The following ADAMTS9 variants were observed in gnomAD, a reference collection of about 807,000 sequenced individuals.
ADAMTS9 encodes the protein ADAM metallopeptidase with thrombospondin type 1 motif 9.
Under a neutral mutation model 257.1 loss-of-function variants are expected in ADAMTS9, and 107 were observed. That is an observed-to-expected ratio of 0.42 (90% CI 0.36 to 0.49). The LOEUF is 0.49. ADAMTS9 is among the 20% of genes least tolerant of loss of function. The pLI, the probability that ADAMTS9 is intolerant of heterozygous loss-of-function variation, is 0.03. For missense variants in ADAMTS9, 2,353 were observed against 2,469.1 expected (o/e 0.95, Z 1.00); for synonymous variants, 982 against 880.9 (o/e 1.11, Z -2.03).
At chr3:64,545,539 A>G (rs1253384603) in intron 32 of ADAMTS9, among the ~76,000 whole-genome samples, 2 of 152,116 alleles carry the variant, frequency 1.3e-5, no homozygotes, top group Non-Finnish European at 2.9e-5. Context: ...GTTCTCACTC[A>G]TAGGTGGGAA....
intron 3 of ADAMTS9, among the ~76,000 whole-genome samples, chr3:64,666,053 T>C (rs1459969696): frequency 1.3e-5 from 2 of 152,178 alleles, no homozygotes; most frequent in African/African-American, 4.8e-5. Flanking sequence ...GTCCAATCTT[T>C]TAAAAAAAGG....
rs531795950 is a variant in ADAMTS9, at chr3:64,677,540, G to A, written c.679+3661C>T. 9.8e-5 allele frequency among the ~76,000 whole-genome samples: 15 copies of A among 152,298 alleles called. No individual in the cohort carries two copies. The South Asian group carries it at 2.9e-3, about 29-fold the overall frequency. On this transcript the variant is annotated intron_variant, in intron 3 of 39. Transcript: ENST00000498707. Reference sequence around the variant, plus strand: ...CTAAACCCTTCATGATTACCCAGAAGCACTGGGCTATTACCTTTGAATTTT... The same window carrying A: ...CTAAACCCTTCATGATTACCCAGAAACACTGGGCTATTACCTTTGAATTTT...
At chr3:64,561,813 G>T (rs565451972) in intron 29 of ADAMTS9, 62 bp from the exon 30 acceptor site, 65 of 1,149,850 alleles carry the variant, frequency 5.7e-5, no homozygotes, top group South Asian at 3.1e-4. Context: ...GGGGCGGGGG[G>T]TGTCGAGGGT....
chr3:64,627,611 T>C (rs1700257185), intron 16 of ADAMTS9, among the ~76,000 whole-genome samples: 1 of 152,174 alleles, frequency 6.6e-6, no homozygotes, highest in Non-Finnish European at 1.5e-5. Flanking sequence ...GGCTTCCTGC[T>C]TTGGTACTTT....
At position 64,687,661 on chromosome 3, in the gene ADAMTS9, G is replaced by A. The variant is rs1280809340; in HGVS notation, c.-4C>T. On this transcript the variant is annotated 5_prime_UTR_variant, in exon 1 of 40. Transcript: ENST00000498707. This position sits in a 1 kb window ranked among gnomAD's most constrained non-coding sequence, Gnocchi z 4.4. ...TGGCCCAGGATACAAACTGCATGGT[G>A]CTTCCCACCCCTCCCTCCGCTGCCC... The A allele has an allele frequency of 1.3e-6, 2 of 1,530,174 alleles. No individual in the cohort carries two copies. Among genetic ancestry groups the A allele is most frequent in the Middle Eastern group, 2.3e-4 (1 of 4,328 alleles). 94.8% of individuals were successfully genotyped at this position (1,530,174 alleles called of 1,614,324 possible).
chr3:64,549,555 C>T (rs1018389608), intron 31 of ADAMTS9, among the ~76,000 whole-genome samples: 3 of 152,096 alleles, frequency 2.0e-5, no homozygotes, highest in African/African-American at 7.2e-5. Flanking sequence ...ACCATGTCTC[C>T]TCTTCACTCT....
In ADAMTS9 at chr3:64,601,828, C is replaced by T. The variant is rs2084467134; in HGVS notation, c.4017+116G>A. On this transcript the variant is annotated intron_variant, in intron 26 of 39. Transcript: ENST00000498707. ...AAGTTACTCAAAGCAAATGAAAATG[C>T]ACAATGTCAATCCCTTGTAAAGAAA... The T allele has an allele frequency of 7.1e-6, 9 of 1,262,230 alleles. No individual in the cohort carries two copies. The East Asian group carries it at 9.6e-5, about 13-fold the overall frequency. 78.2% of individuals were successfully genotyped at this position (1,262,230 alleles called of 1,614,324 possible). A position where few individuals can be genotyped will look rare whatever the true frequency, so the allele number is the denominator to read the frequency against.
intron 29 of ADAMTS9, chr3:64,565,842 G>C (rs1486225252): frequency 6.6e-6 from 1 of 152,046 alleles, no homozygotes. Context: ...GCTTCAGTAA[G>C]AATAATTCCA....
chr3:64,678,778 G>A (rs1576187914), intron 3 of ADAMTS9, among the ~76,000 whole-genome samples: 1 of 152,184 alleles, frequency 6.6e-6, no homozygotes, highest in East Asian at 1.9e-4. Context: ...ATACCTGCTG[G>A]TGAATCGTGC....
chr3:64,537,132 T>C (rs999898439), intron 37 of ADAMTS9, among the ~76,000 whole-genome samples: 2 of 152,180 alleles, frequency 1.3e-5, no homozygotes, highest in Admixed American at 1.3e-4. Context: ...AAGTACCCAA[T>C]ATGGTTTGAA....
chr3:64,574,244 T>C (rs2083771770), intron 28 of ADAMTS9, among the ~76,000 whole-genome samples: 1 of 152,218 alleles, frequency 6.6e-6, no homozygotes, highest in African/African-American at 2.4e-5. Context: ...CTACCTTTCA[T>C]TGTGTTCTTA....
intron 12 of ADAMTS9, among the ~76,000 whole-genome samples, chr3:64,639,324 A>C (rs1346447243): frequency 2.0e-5 from 3 of 148,360 alleles, no homozygotes; most frequent in Non-Finnish European, 3.0e-5. Flanking sequence ...AAAAAAAAAA[A>C]AAAAAAACCT....
At chr3:64,549,304 G>A (rs1456634242) in intron 31 of ADAMTS9, among the ~76,000 whole-genome samples, 2 of 152,036 alleles carry the variant, frequency 1.3e-5, no homozygotes, top group Non-Finnish European at 2.9e-5. Context: ...TGGGGGTTAT[G>A]GTTATATTAA....
intron 28 of ADAMTS9, chr3:64,586,962 T>C (rs186489765): frequency 1.3e-5 from 2 of 152,284 alleles, no homozygotes; most frequent in Non-Finnish European, 2.9e-5. Flanking sequence ...TTTTCCACTT[T>C]TGCCGTCTCC....
intron 22 of ADAMTS9, among the ~76,000 whole-genome samples, chr3:64,608,901 T>C (rs1299360249): frequency 6.6e-6 from 1 of 151,884 alleles, no homozygotes; most frequent in Non-Finnish European, 1.5e-5. Flanking sequence ...TTGAATCCAA[T>C]AGCATACTAA....
rs780324244 is a variant in ADAMTS9, at chr3:64,561,612, G to A, written c.4664C>T (p.Pro1555Leu). The change falls in exon 30 of 40, where the codon CCC becomes CTC. Residue 1555 changes from proline to leucine, a missense_variant. Physicochemically the swap from Pro to Leu is moderately conservative, Grantham distance 98 (BLOSUM62 -3). Transcript: ENST00000498707. ...SERDCQGPRC[P>L]LYTWRAEEWQ... is the part of the protein sequence containing the mutation. Reference sequence around the variant, plus strand: ...TTCCTCTGCCCTCCAAGTGTAGAGGGGACACCGTGGGCCTTGGCAGTCGCG... The same window carrying A: ...TTCCTCTGCCCTCCAAGTGTAGAGGAGACACCGTGGGCCTTGGCAGTCGCG... 4.6e-5 allele frequency: 75 copies of A among 1,613,946 alleles called. 1 individual carries two copies. Among genetic ancestry groups the A allele is most frequent in the South Asian group, 3.8e-4 (35 of 91,074 alleles).
intron 26 of ADAMTS9, among the ~76,000 whole-genome samples, chr3:64,598,362 G>C (rs2084401873): frequency 6.7e-6 from 1 of 148,794 alleles, no homozygotes; most frequent in African/African-American, 2.5e-5. Flanking sequence ...CTGTCACCCA[G>C]GCTAGAACAC....
At position 64,516,872 on chromosome 3, in the gene ADAMTS9, T is replaced by A. The variant is rs1299468469; in HGVS notation, c.*255A>T. 6.6e-6 allele frequency: 1 copy of A among 152,592 alleles called. No homozygotes were observed. The highest frequency in any genetic ancestry group is 1.5e-5 in the Non-Finnish European group (1 of 68,040). 9.5% of individuals were successfully genotyped at this position (152,592 alleles called of 1,614,324 possible). Reference sequence around the variant, plus strand: ...TCATTTTACGTACAAAAATATTACATCACAATAAATAATTTCAAACATAAA... The same window carrying A: ...TCATTTTACGTACAAAAATATTACAACACAATAAATAATTTCAAACATAAA... On this transcript the variant is annotated 3_prime_UTR_variant, in exon 40 of 40. Transcript: ENST00000498707.
chr3:64,675,901 A>C (rs903814413), intron 3 of ADAMTS9, among the ~76,000 whole-genome samples: 1 of 152,206 alleles, frequency 6.6e-6, no homozygotes, highest in African/African-American at 2.4e-5. Context: ...ATATGCACAT[A>C]AGAGCCTAAC....
Sources: allele counts gnomAD v4.1 joint callset (sites outside exome capture counted in the v4.1 genomes callset), GRCh38; gene constraint gnomAD v4.1.1; non-coding constraint Gnocchi (gnomAD v3.1); transcripts MANE v1.5; gene names NCBI Gene and HGNC (gene_info 2026-07-23, HGNC 2026-07-21).